The following BRINP3 variants were observed in gnomAD, a reference collection of about 807,000 sequenced individuals.
BRINP3 encodes BMP/retinoic acid inducible neural specific 3.
In BRINP3, 19 loss-of-function variants were observed where a neutral mutation model predicts 71.0. The observed-to-expected ratio is 0.27, with a 90% CI of 0.19 to 0.39. BRINP3 has a LOEUF of 0.39. Among genes scored for constraint, BRINP3 ranks in the 10% least tolerant of loss-of-function variants. The pLI, the probability that BRINP3 is intolerant of heterozygous loss-of-function variation, is 1.00. For synonymous variants in BRINP3, 380 were observed against 337.7 expected (o/e 1.13, Z -1.37); for missense variants, 959 against 940.8 (o/e 1.02, Z -0.25).
At chr1:190,103,130 G>T (rs1651842182) in intron 7 of BRINP3, among the ~76,000 whole-genome samples, 1 of 152,042 alleles carries the variant, frequency 6.6e-6, no homozygotes, top group Non-Finnish European at 1.5e-5. Context: ...ACTTTACCCT[G>T]TGCCCTGTGA....
intron 6 of BRINP3, among the ~76,000 whole-genome samples, chr1:190,171,909 C>G (rs899523575): frequency 6.6e-6 from 1 of 151,712 alleles, no homozygotes; most frequent in African/African-American, 2.4e-5. Context: ...AAGTTTGAGA[C>G]CAGCCGGCGA....
chr1:190,171,454 A>G (rs917997407), intron 6 of BRINP3, among the ~76,000 whole-genome samples: 1 of 152,134 alleles, frequency 6.6e-6, no homozygotes, highest in Non-Finnish European at 1.5e-5. Context: ...TAATTTTTGC[A>G]TTAGTTTTTA....
chr1:190,159,782 T>C (rs935914761), intron 7 of BRINP3, among the ~76,000 whole-genome samples: 5 of 150,074 alleles, frequency 3.3e-5, no homozygotes, highest in African/African-American at 1.2e-4. Flanking sequence ...GTTGCATAGT[T>C]TTTTTTTTAT....
At chr1:190,145,331 C>A (rs759769708) in intron 7 of BRINP3, among the ~76,000 whole-genome samples, 34 of 152,172 alleles carry the variant, frequency 2.2e-4, no homozygotes, top group Non-Finnish European at 4.0e-4. Context: ...ATCTAAATCC[C>A]ATTTAATTTT....
At chr1:190,426,249 C>T (rs745326755) in intron 2 of BRINP3, among the ~76,000 whole-genome samples, 5 of 151,634 alleles carry the variant, frequency 3.3e-5, no homozygotes, top group Non-Finnish European at 7.4e-5. Context: ...AAATACTATG[C>T]CATTTTATAT....
intron 2 of BRINP3, among the ~76,000 whole-genome samples, chr1:190,291,846 A>G (rs1663893304): frequency 6.6e-6 from 1 of 152,178 alleles, no homozygotes; most frequent in Non-Finnish European, 1.5e-5. Context: ...CTGCACTTCC[A>G]TGTTTATTGC....
chr1:190,411,560 C>G (rs1015464302), intron 2 of BRINP3, among the ~76,000 whole-genome samples: 1 of 151,856 alleles, frequency 6.6e-6, no homozygotes, highest in Non-Finnish European at 1.5e-5. Context: ...AATTTTATAT[C>G]TAGTAAATTG....
intron 6 of BRINP3, among the ~76,000 whole-genome samples, chr1:190,191,314 C>T (rs1485208579): frequency 6.6e-6 from 1 of 151,908 alleles, no homozygotes; most frequent in African/African-American, 2.4e-5. Context: ...AAAATGGATA[C>T]ATGTGTATAA....
chr1:190,396,563 G>A (rs550802717), intron 2 of BRINP3, among the ~76,000 whole-genome samples: 1 of 151,340 alleles, frequency 6.6e-6, no homozygotes, highest in Non-Finnish European at 1.5e-5. Flanking sequence ...TTCTAAAGTG[G>A]CCATCAATTA....
intron 2 of BRINP3, among the ~76,000 whole-genome samples, chr1:190,401,882 C>T (rs1209755595): frequency 1.3e-5 from 2 of 151,494 alleles, no homozygotes; most frequent in Non-Finnish European, 2.9e-5. Flanking sequence ...GTTACATTAC[C>T]CAACCATGCC....
At chr1:190,243,708 GCAGCGACCTCAGTTCTTA>G (rs1376874949) in intron 4 of BRINP3, among the ~76,000 whole-genome samples, 1 of 152,024 alleles carries the variant, frequency 6.6e-6, no homozygotes. Flanking sequence ...GAGTTACTAG[GCAGCGACCTCAGTTCTTA>G]CAGCCACTGT....
intron 2 of BRINP3, among the ~76,000 whole-genome samples, chr1:190,349,935 T>A (rs926912788): frequency 3.3e-5 from 5 of 152,094 alleles, no homozygotes; most frequent in African/African-American, 1.2e-4. Context: ...GAGAAAATGC[T>A]TTTTTAGTAC....
chr1:190,265,561 T>TATATATATATATATATAA (rs1024610590), intron 3 of BRINP3, among the ~76,000 whole-genome samples: 2 of 141,688 alleles, frequency 1.4e-5, no homozygotes, highest in African/African-American at 5.3e-5. Flanking sequence ...TATATATATA[T>TATATATATATATATATAA]AAATTAGCCG....
chr1:190,142,512 C>T (rs1471057781), intron 7 of BRINP3, among the ~76,000 whole-genome samples: 5 of 151,968 alleles, frequency 3.3e-5, no homozygotes, highest in African/African-American at 7.2e-5. Flanking sequence ...TATTTTAATA[C>T]GTGTGTATTG....
intron 2 of BRINP3, among the ~76,000 whole-genome samples, chr1:190,393,184 C>T (rs1242176656): frequency 6.6e-6 from 1 of 151,578 alleles, no homozygotes; most frequent in East Asian, 1.9e-4. Flanking sequence ...ATTAAGCACA[C>T]ATTTACATGT....
intron 2 of BRINP3, among the ~76,000 whole-genome samples, chr1:190,449,126 T>C (rs1675433531): frequency 6.6e-6 from 1 of 152,060 alleles, no homozygotes. Flanking sequence ...AGAATTATAT[T>C]TTAACATTTC....
At chr1:190,247,602 C>A (rs1659727862) in intron 4 of BRINP3, among the ~76,000 whole-genome samples, 1 of 151,798 alleles carries the variant, frequency 6.6e-6, no homozygotes, top group Admixed American at 6.6e-5. Context: ...CTTCGTATCC[C>A]TTAACAAATC....
intron 2 of BRINP3, among the ~76,000 whole-genome samples, chr1:190,328,452 T>C (rs1259992520): frequency 6.6e-6 from 1 of 151,586 alleles, no homozygotes; most frequent in Non-Finnish European, 1.5e-5. Flanking sequence ...ATCTAGAAAA[T>C]CTAGAGGACA....
chr1:190,101,071 C>T (rs1377705581), intron 7 of BRINP3, among the ~76,000 whole-genome samples: 1 of 152,140 alleles, frequency 6.6e-6, no homozygotes. Flanking sequence ...AAAAGGCCCT[C>T]ACCAGATGCC....
Sources: gnomAD v4.1 joint callset for allele counts (sites outside exome capture counted in the v4.1 genomes callset) on GRCh38, gnomAD v4.1.1 for gene constraint, MANE v1.5 for transcripts, NCBI Gene and HGNC (gene_info 2026-07-23, HGNC 2026-07-21) for gene names.